Variants in UBE2F observed in about 807,000 individuals in gnomAD.
UBE2F encodes the protein NEDD8-conjugating enzyme UBE2F.
A neutral mutation model predicts 29.6 loss-of-function variants in UBE2F; 5 were observed. The ratio of observed to expected loss-of-function variants is 0.17; its 90% confidence interval spans 0.09 to 0.36. The LOEUF (loss-of-function observed/expected upper bound fraction) is 0.36, where lower values mean the gene tolerates loss of function less well. UBE2F is among the 10% of genes least tolerant of loss of function. The pLI is 1.00. For synonymous variants in UBE2F, 66 were observed against 81.8 expected, an observed-to-expected ratio of 0.81 and a Z score of 1.04; for missense variants, 141 against 228.5, an observed-to-expected ratio of 0.62 and a Z score of 2.47.
At chr2:238,032,406 G>A in intron 8 of UBE2F, 152 bp downstream of exon 8, 1 of 642,316 alleles carries the variant, frequency 1.6e-6, no homozygotes, top group Admixed American at 2.9e-5. Context: ...CTAGCACTTT[G>A]GGTGGATCCC....
At chr2:238,034,056 T>G (rs190650150) in intron 8 of UBE2F, among the ~76,000 whole-genome samples, 1 of 152,140 alleles carries the variant, frequency 6.6e-6, no homozygotes, top group Non-Finnish European at 1.5e-5. Context: ...TCCTTGGCTC[T>G]GAATAGGTTT....
chr2:237,995,568 G>A (rs918530392), intron 4 of UBE2F, among the ~76,000 whole-genome samples: 2 of 152,206 alleles, frequency 1.3e-5, no homozygotes, highest in African/African-American at 4.8e-5. Context: ...TTATTTGGGG[G>A]ATGGAAAGGT....
chr2:237,994,544 C>T (rs780905334), intron 3 of UBE2F, among the ~76,000 whole-genome samples, 200 bp from the exon 4 acceptor site: 42 of 152,166 alleles, frequency 2.8e-4, no homozygotes, highest in Non-Finnish European at 5.3e-4. Flanking sequence ...GAGAAAAGCA[C>T]ATGACAAAAA....
intron 4 of UBE2F, among the ~76,000 whole-genome samples, chr2:238,000,390 G>A (rs1428365938): frequency 6.6e-6 from 1 of 152,006 alleles, no homozygotes; most frequent in East Asian, 1.9e-4. Flanking sequence ...TGGTGTGTAT[G>A]TATCTATTTT....
chr2:237,995,546 T>C (rs531071484), intron 4 of UBE2F, among the ~76,000 whole-genome samples: 13 of 152,266 alleles, frequency 8.5e-5, no homozygotes, highest in Non-Finnish European at 1.6e-4. Context: ...GGTGGAAATA[T>C]AGGGTGTTAT....
intron 3 of UBE2F, among the ~76,000 whole-genome samples, chr2:237,992,994 CT>C (rs879655818): frequency 1.4e-4 from 21 of 145,498 alleles, no homozygotes; most frequent in Admixed American, 1.4e-4. Context: ...GGGCAGCACT[CT>C]TTTTTTTTTT....
chr2:238,017,640 T>G (rs746466408), intron 5 of UBE2F, among the ~76,000 whole-genome samples: 5 of 152,168 alleles, frequency 3.3e-5, no homozygotes, highest in Non-Finnish European at 4.4e-5. Flanking sequence ...TCGGCCCAAA[T>G]TGCCAGGGGT....
intron 2 of UBE2F, among the ~76,000 whole-genome samples, chr2:237,984,996 CAAA>C (rs55984976): frequency 0.023 from 3,014 of 129,952 alleles, 96 homozygotes; most frequent in African/African-American, 0.074. Flanking sequence ...TGGAAAAAGG[CAAA>C]AAAAAAAAAA....
At position 238,032,208 on chromosome 2, in the gene UBE2F, CTTT is replaced by C. The variant is rs2064597961; in HGVS notation, c.412-10_412-8del. ...TGGCTTAAAACTTGTTTTCTGTTTT[CTTT>C]TTTATTTCAGGATGTCGTTTGGGGA... On this transcript the variant is annotated splice_polypyrimidine_tract_variant and intron_variant, in intron 7 of 9. Transcript: ENST00000272930. 3.1e-6 allele frequency: 5 copies of C among 1,611,784 alleles called. No homozygotes were observed. The highest frequency in any genetic ancestry group is 4.5e-5 in the East Asian group (2 of 44,842).
At chr2:238,033,986 G>A (rs376257552) in intron 8 of UBE2F, among the ~76,000 whole-genome samples, 16 of 152,276 alleles carry the variant, frequency 1.1e-4, no homozygotes, top group African/African-American at 3.9e-4. Context: ...GGGCCCATAT[G>A]CCGTCATTGT....
At chr2:238,014,410 T>TAA (rs1465037330) in intron 4 of UBE2F, among the ~76,000 whole-genome samples, 3 of 152,242 alleles carry the variant, frequency 2.0e-5, no homozygotes, top group African/African-American at 4.8e-5. Flanking sequence ...GATATAATCC[T>TAA]AATAATTATT....
At chr2:237,973,614 T>C in intron 2 of UBE2F, 1 of 1,223,718 alleles carries the variant, frequency 8.2e-7, no homozygotes, top group Non-Finnish European at 1.1e-6. Flanking sequence ...AGTCAAATTT[T>C]GTAATCTCTT....
chr2:238,037,179 C>A (rs1268062551), intron 9 of UBE2F, among the ~76,000 whole-genome samples: 1 of 152,144 alleles, frequency 6.6e-6, no homozygotes, highest in Non-Finnish European at 1.5e-5. Flanking sequence ...CTGAGGTCTT[C>A]CAGTAAGACA....
intron 4 of UBE2F, chr2:238,003,375 C>G (rs1259100935): frequency 2.1e-6 from 1 of 470,882 alleles, no homozygotes; most frequent in African/African-American, 2.0e-5. Flanking sequence ...AAGAATTTGG[C>G]TGGTGTGATG....
intron 3 of UBE2F, among the ~76,000 whole-genome samples, chr2:237,991,609 C>CTTTCTTTTTTTTT (rs57180067): frequency 1.9e-4 from 10 of 53,044 alleles, no homozygotes; most frequent in East Asian, 9.1e-4. Flanking sequence ...TTCTTTCTTT[C>CTTTCTTTTTTTTT]TTTTTTTTTT....
chr2:238,036,209 G>C (rs2064704502), intron 9 of UBE2F, among the ~76,000 whole-genome samples: 1 of 152,180 alleles, frequency 6.6e-6, no homozygotes, highest in Non-Finnish European at 1.5e-5. Context: ...ATTTCACTCT[G>C]TCACCCAGGC....
rs1237256290 is a variant in UBE2F at position 238,040,816 on chromosome 2, G to C, written c.508-472G>C. 6.6e-6 allele frequency among the ~76,000 whole-genome samples: 1 copy of C among 152,086 alleles called. No individual in the cohort carries two copies. The highest frequency in any genetic ancestry group is 2.4e-5 in the African/African-American group (1 of 41,404). Reference sequence around the variant, plus strand: ...GTCATCCTGCCCAGAAGAGATGGGGGCCTGTACATGGGCTGTGAAGAGCAG... The same window carrying C: ...GTCATCCTGCCCAGAAGAGATGGGGCCCTGTACATGGGCTGTGAAGAGCAG... On this transcript the variant is annotated intron_variant, in intron 9 of 9. Transcript: ENST00000272930. The surrounding 1 kb of genome is among the most constrained non-coding windows in gnomAD (Gnocchi z 4.4).
chr2:238,017,647 G>A (rs1471224522), intron 5 of UBE2F, among the ~76,000 whole-genome samples: 1 of 152,174 alleles, frequency 6.6e-6, no homozygotes, highest in Non-Finnish European at 1.5e-5. Context: ...AAATTGCCAG[G>A]GGTTGACGTA....
chr2:238,026,590 C>T (rs923435079), intron 6 of UBE2F, among the ~76,000 whole-genome samples: 1 of 152,144 alleles, frequency 6.6e-6, no homozygotes, highest in African/African-American at 2.4e-5. Context: ...CCTACCACTA[C>T]GCCCGGCTAA....
Sources: gnomAD v4.1 joint callset for allele counts (sites outside exome capture counted in the v4.1 genomes callset) on GRCh38, gnomAD v4.1.1 for gene constraint, Gnocchi (gnomAD v3.1) non-coding constraint, MANE v1.5 for transcripts, NCBI Gene and HGNC (gene_info 2026-07-23, HGNC 2026-07-21) for gene names.